Variants in ESRRB observed in about 807,000 individuals in gnomAD.
ESRRB encodes steroid hormone receptor ERR2.
ESRRB carries 16 observed loss-of-function variants against 46.0 expected under a neutral mutation model. The observed-to-expected ratio is 0.35, with a 90% CI of 0.24 to 0.53. The LOEUF (loss-of-function observed/expected upper bound fraction) is 0.53. Among genes scored for constraint, ESRRB ranks in the 20% least tolerant of loss-of-function variants. The probability of loss-of-function intolerance (pLI) is 0.93; values close to 1 mark genes in which losing one functional copy is unlikely to be tolerated. For synonymous variants in ESRRB, 246 were observed against 259.6 expected, an observed-to-expected ratio of 0.95 and a Z score of 0.50; for missense variants, 488 against 607.4, an observed-to-expected ratio of 0.80 and a Z score of 2.07.
At chr14:76,412,775 A>G (rs562066197) in intron 1 of ESRRB, among the ~76,000 whole-genome samples, 118 of 152,274 alleles carry the variant, frequency 7.7e-4, no homozygotes, top group African/African-American at 2.6e-3. Context: ...TTGCTAATGC[A>G]TTTGTATTGC....
chr14:76,497,551 C>A (rs1368667234), intron 6 of ESRRB, among the ~76,000 whole-genome samples: 2 of 152,204 alleles, frequency 1.3e-5, no homozygotes, highest in Non-Finnish European at 2.9e-5. Context: ...TTTTAGAGAA[C>A]TCCCTATAGC....
chr14:76,378,651 G>C (rs560355196), intron 1 of ESRRB, among the ~76,000 whole-genome samples: 3 of 152,168 alleles, frequency 2.0e-5, no homozygotes, highest in Non-Finnish European at 4.4e-5. Context: ...TGATGAGCTG[G>C]CCTCTTATAC....
chr14:76,340,972 C>A (rs1884185064), intron 1 of ESRRB, among the ~76,000 whole-genome samples: 1 of 152,166 alleles, frequency 6.6e-6, no homozygotes, highest in Non-Finnish European at 1.5e-5. Context: ...ATGTAATCAT[C>A]CCTCCTCCCA....
chr14:76,411,778 T>C (rs188547082), intron 1 of ESRRB, among the ~76,000 whole-genome samples: 1 of 152,202 alleles, frequency 6.6e-6, no homozygotes, highest in Non-Finnish European at 1.5e-5. Flanking sequence ...TATTAGTGAT[T>C]AGTAGTATCA....
intron 1 of ESRRB, among the ~76,000 whole-genome samples, chr14:76,417,539 C>T (rs1483522304): frequency 6.6e-6 from 1 of 152,120 alleles, no homozygotes; most frequent in African/African-American, 2.4e-5. Context: ...TTTCCTGCAG[C>T]GTCTGTGTGT....
intron 1 of ESRRB, among the ~76,000 whole-genome samples, chr14:76,358,464 G>A (rs541941835): frequency 2.8e-4 from 42 of 152,170 alleles, no homozygotes; most frequent in African/African-American, 9.9e-4. Context: ...GGTGGGATTA[G>A]GAGGAAGCAT....
intron 3 of ESRRB, among the ~76,000 whole-genome samples, chr14:76,467,749 T>C (rs1365635277): frequency 6.6e-6 from 1 of 152,032 alleles, no homozygotes; most frequent in Non-Finnish European, 1.5e-5. Context: ...GGCTAGGGTG[T>C]GGACTGACTC....
rs765192551 is a variant in ESRRB, at chr14:76,439,514, A to G, written c.224A>G (p.Asn75Ser). 45 of 1,613,196 alleles carry G rather than the reference A, an allele frequency of 2.8e-5. No homozygotes were observed. Among genetic ancestry groups the G allele is most frequent in the Non-Finnish European group, 3.6e-5 (43 of 1,179,956 alleles). ...GFGLALGTHA[N>S]GLDSPPMFAG... Reference sequence around the variant, plus strand: ...GGCCTGGCCCTGGGCACCCACGCCAACGGTCTGGACTCGCCACCCATGTTT... The same window carrying G: ...GGCCTGGCCCTGGGCACCCACGCCAGCGGTCTGGACTCGCCACCCATGTTT... The change falls in exon 2 of 7, where the codon AAC (asparagine) becomes AGC (serine). Residue 75 changes from asparagine (N) to serine (S), a missense_variant. By Grantham distance (46) the Asn-to-Ser change is conservative. Coordinates refer to ENST00000644823, the MANE Select transcript of ESRRB (RefSeq NM_001379180.1).
chr14:76,443,782 G>C (rs1279394223), intron 2 of ESRRB, among the ~76,000 whole-genome samples: 1 of 152,208 alleles, frequency 6.6e-6, no homozygotes, highest in African/African-American at 2.4e-5. Flanking sequence ...AATGTTCTCA[G>C]CAAGTCAGGA....
rs567470812 is a variant in ESRRB at position 76,439,050 on chromosome 14, G to A, written c.51-291G>A. ...CTGGCTTCAAGCGATGATCCTCCCC[G>A]CTCAGCCTCTCAAAGTGCTGGGATT... On this transcript the variant is annotated intron_variant, in intron 1 of 6. Coordinates refer to ENST00000644823, the MANE Select transcript of ESRRB (RefSeq NM_001379180.1). Among the ~76,000 whole-genome samples the A allele has an allele frequency of 2.8e-3, 421 of 151,782 alleles. 2 individuals carry two copies. The highest frequency in any genetic ancestry group is 4.6e-3 in the Non-Finnish European group (314 of 67,944).
At position 76,499,760 on chromosome 14, in the gene ESRRB, A is replaced by T; in HGVS notation, c.*1302A>T. On this transcript the variant is annotated 3_prime_UTR_variant, in exon 7 of 7. Transcript: ENST00000644823. Reference sequence around the variant, plus strand: ...TTTCTTTATCCCAGGAAACTCCTCTACCCCAGGCACACGGGGACAGTGGGT... The same window carrying T: ...TTTCTTTATCCCAGGAAACTCCTCTTCCCCAGGCACACGGGGACAGTGGGT... 1 of 1,009,860 alleles carries T rather than the reference A, an allele frequency of 9.9e-7. No individual in the cohort carries two copies. Among genetic ancestry groups the T allele is most frequent in the Non-Finnish European group, 1.6e-6 (1 of 632,080 alleles). The allele number at this position is 1,009,860 out of a possible 1,614,324, so 62.6% of individuals were successfully genotyped here.
chr14:76,384,895 A>G (rs527515954), intron 1 of ESRRB, among the ~76,000 whole-genome samples: 2 of 152,266 alleles, frequency 1.3e-5, no homozygotes, highest in East Asian at 1.9e-4. Flanking sequence ...GAGTACCTCA[A>G]CCTGCACTAT....
Position 76,500,829 on chromosome 14 carries a change from G to GCT in ESRRB, c.*2372_*2373insTC. 1 of 1,241,410 alleles carries GCT rather than the reference G, an allele frequency of 8.1e-7. No homozygotes were observed. Among genetic ancestry groups the GCT allele is most frequent in the Non-Finnish European group, 1.2e-6 (1 of 841,022 alleles). 76.9% of individuals were successfully genotyped at this position (1,241,410 alleles called of 1,614,324 possible). ...TTCAGAGCCCCTCTAGCAGAGTGGG[G>GCT]CGGAAGTCCTGATGGTTGGTGTCCA... is the stretch of plus-strand genomic sequence containing the variant. On this transcript the variant is annotated 3_prime_UTR_variant, in exon 7 of 7. Transcript: ENST00000644823.
intron 1 of ESRRB, among the ~76,000 whole-genome samples, chr14:76,390,350 G>A (rs557992899): frequency 1.4e-4 from 22 of 152,222 alleles, no homozygotes; most frequent in Middle Eastern, 3.4e-3. Context: ...TCAGCCAGGC[G>A]TGGTGGTGGG....
At chr14:76,468,303 C>G (rs1189361166) in intron 3 of ESRRB, among the ~76,000 whole-genome samples, 1 of 151,810 alleles carries the variant, frequency 6.6e-6, no homozygotes, top group Non-Finnish European at 1.5e-5. Flanking sequence ...AACTCTTTAC[C>G]ACTTTATAGA....
chr14:76,399,169 G>A (rs1885829399), intron 1 of ESRRB, among the ~76,000 whole-genome samples: 1 of 152,118 alleles, frequency 6.6e-6, no homozygotes, highest in Admixed American at 6.6e-5. Flanking sequence ...GAGGGAGACG[G>A]GGGTGGCTTG....
At chr14:76,439,276 G>A (rs1887806849) in intron 1 of ESRRB, 65 bp from the exon 2 acceptor site, 1 of 1,586,404 alleles carries the variant, frequency 6.3e-7, no homozygotes, top group African/African-American at 1.3e-5. Flanking sequence ...CTACCTGCGG[G>A]GCTGGACCCG....
At chr14:76,446,866 T>C (rs1030656969) in intron 2 of ESRRB, among the ~76,000 whole-genome samples, 1 of 152,232 alleles carries the variant, frequency 6.6e-6, no homozygotes, top group Non-Finnish European at 1.5e-5. Context: ...AGCCACTTTC[T>C]GTGGCTGGAA....
chr14:76,372,453 T>A (rs1284185283), upstream of ESRRB, among the ~76,000 whole-genome samples: 1 of 151,130 alleles, frequency 6.6e-6, no homozygotes. Flanking sequence ...AGGTAAAGAG[T>A]GTGTGGAGCG....
Sources: gnomAD v4.1 joint callset for allele counts (sites outside exome capture counted in the v4.1 genomes callset) on GRCh38, gnomAD v4.1.1 for gene constraint, MANE v1.5 for transcripts, NCBI Gene and HGNC (gene_info 2026-07-23, HGNC 2026-07-21) for gene names.